Variants in NANS observed in about 807,000 individuals in gnomAD.
The protein encoded by NANS is N-acetylneuraminate synthase.
In NANS, 29 loss-of-function variants were observed where a neutral mutation model predicts 33.3. The observed-to-expected ratio is 0.87, with a 90% confidence interval of 0.65 to 1.19. The LOEUF (loss-of-function observed/expected upper bound fraction) is 1.19. Among genes scored for constraint, NANS ranks in the 50% most tolerant of loss-of-function variants. The pLI is 0.00. For synonymous variants in NANS, 163 were observed against 177.2 expected, an observed-to-expected ratio of 0.92 and a Z score of 0.64; for missense variants, 394 against 461.1, an observed-to-expected ratio of 0.85 and a Z score of 1.33.
chr9:98,076,139 G>C (rs1829580230), intron 2 of NANS: 1 of 152,144 alleles, frequency 6.6e-6, no homozygotes. Flanking sequence ...GCCAGCCATG[G>C]ATCCTTATGT....
intron 1 of NANS, among the ~76,000 whole-genome samples, chr9:98,060,243 T>C (rs1481008981): frequency 2.0e-5 from 3 of 152,190 alleles, no homozygotes; most frequent in Non-Finnish European, 4.4e-5. Flanking sequence ...TCTTTTGGCA[T>C]GTTAAGAGAA....
At chr9:98,077,898 A>G (rs762785002) in intron 3 of NANS, among the ~76,000 whole-genome samples, 5 of 152,210 alleles carry the variant, frequency 3.3e-5, no homozygotes, top group Non-Finnish European at 7.3e-5. Flanking sequence ...TATACAACCT[A>G]TTAATCAGAT....
At chr9:98,081,539 A>G (rs918210759) in intron 5 of NANS, 1 of 162,022 alleles carries the variant, frequency 6.2e-6, no homozygotes, top group Admixed American at 6.1e-5. Flanking sequence ...AAGGGCAGTG[A>G]GTCGTTGCAG....
chr9:98,082,919 A>G lies in NANS; in HGVS notation c.944A>G (p.Lys315Arg). ...TILTMDMLTV[K>R]VGEPKGYPPE... ...CTAACAATGGACATGCTCACCGTGA[A>G]GGTGGGTGAGCCCAAAGGCTATCCT... The change falls in exon 6 of 6, where the codon AAG (lysine) becomes AGG (arginine). Residue 315 changes from lysine (K) to arginine (R), a missense_variant. Coordinates refer to ENST00000210444, the MANE Select transcript of NANS (RefSeq NM_018946.4). The G allele has an allele frequency of 1.2e-6, 2 of 1,614,242 alleles. No homozygotes were observed. Among genetic ancestry groups the G allele is most frequent in the Non-Finnish European group, 1.7e-6 (2 of 1,180,032 alleles).
At chr9:98,061,599 G>A (rs559788174) in intron 2 of NANS, among the ~76,000 whole-genome samples, 2 of 150,956 alleles carry the variant, frequency 1.3e-5, no homozygotes, top group East Asian at 2.0e-4. Flanking sequence ...GGCCAACATG[G>A]TGAAACCCTG....
chr9:98,082,741 AGGTACT>A, intron 5 of NANS, 99 bp from the exon 6 acceptor site: 1 of 1,066,364 alleles, frequency 9.4e-7, no homozygotes, highest in Non-Finnish European at 1.4e-6. Context: ...CCTGCTCCCA[AGGTACT>A]GCCTGGGGAA....
intron 2 of NANS, among the ~76,000 whole-genome samples, chr9:98,072,413 ATTTTTTTTTTT>A (rs1004255694): frequency 7.6e-6 from 1 of 132,176 alleles, no homozygotes. Flanking sequence ...GGGAAAGTGC[ATTTTTTTTTTT>A]TTTTTGAGAC....
intron 2 of NANS, among the ~76,000 whole-genome samples, chr9:98,070,635 G>T (rs1476505484): frequency 1.3e-5 from 2 of 151,912 alleles, no homozygotes; most frequent in Non-Finnish European, 2.9e-5. Context: ...GGCCAGGCTG[G>T]TCTCAAACTC....
At chr9:98,066,914 G>T (rs960476342) in intron 2 of NANS, among the ~76,000 whole-genome samples, 1 of 152,152 alleles carries the variant, frequency 6.6e-6, no homozygotes, top group Non-Finnish European at 1.5e-5. Flanking sequence ...GCCTCCCAAA[G>T]TGCTGGGATT....
intron 2 of NANS, among the ~76,000 whole-genome samples, chr9:98,073,722 GAC>G (rs2117883216): frequency 6.6e-6 from 1 of 152,100 alleles, no homozygotes; most frequent in African/African-American, 2.4e-5. Flanking sequence ...TGTCCCACAG[GAC>G]ACAGTACAGA....
chr9:98,081,126 A>G, intron 5 of NANS, 44 bp downstream of exon 5: 1 of 1,606,368 alleles, frequency 6.2e-7, no homozygotes, highest in South Asian at 1.1e-5. Context: ...CCGTGTGTGG[A>G]AAAAGGATAG....
In NANS at chr9:98,081,006, C is replaced by G. The variant is rs375252681; in HGVS notation, c.794C>G (p.Ser265Ter). The G allele has an allele frequency of 3.9e-5, 63 of 1,614,192 alleles. No homozygotes were observed. The highest frequency in any genetic ancestry group is 5.3e-5 in the Non-Finnish European group (63 of 1,180,038). ...GGAGAACTGGCCGAGCTGGTGCGGT[C>G]AGTGCGTCTTGTGGAGCGTGCCCTG... Reference protein sequence around the residue: ...EPGELAELVRSVRLVERALGS... With the variant: ...EPGELAELVR Residue 265 changes from serine (S) to a stop codon, truncating the protein, a stop_gained, in exon 5 of 6, where the codon TCA becomes TGA. Transcript: ENST00000210444. LOFTEE classifies it high-confidence loss of function.
intron 2 of NANS, among the ~76,000 whole-genome samples, chr9:98,068,391 C>T (rs764454412): frequency 1.3e-5 from 2 of 151,914 alleles, no homozygotes; most frequent in Admixed American, 6.6e-5. Flanking sequence ...CTGCCTTCCT[C>T]GGCCTCCCAA....
At chr9:98,057,394 C>T (rs1012275618) in intron 1 of NANS, among the ~76,000 whole-genome samples, 5 of 152,162 alleles carry the variant, frequency 3.3e-5, no homozygotes, top group African/African-American at 9.7e-5. Flanking sequence ...CTGGAAGTTG[C>T]TGTGGTCTCT....
Position 98,076,981 on chromosome 9 carries a change from A to G in NANS, c.412A>G (p.Asn138Asp). The change falls in exon 3 of 6, where the codon AAT becomes GAT. Residue 138 changes from asparagine (N) to aspartate (D), a missense_variant. Asn to Asp is a conservative substitution (Grantham distance 23). Transcript: ENST00000210444. ...PFFKVGSGDT[N>D]NFPYLEKTAK... The stretch of plus-strand genomic sequence containing the variant: ...TTTCAAAGTTGGATCTGGAGACACT[A>G]ATAATTTTCCTTATCTGGAAAAGAC... The G allele has an allele frequency of 1.2e-6, 2 of 1,611,260 alleles. No homozygotes were observed. Among genetic ancestry groups the G allele is most frequent in the Non-Finnish European group, 1.7e-6 (2 of 1,179,138 alleles).
rs35104052 is a variant in NANS, at chr9:98,057,922, G to GTTTT, written c.132+999_132+1002dup. ...TTACTGTTTTTTTTTTTTTTTCCTGGTTTTTTTTTTTTTTTTTTTTGAGAC... is the reference window on the plus strand; with the variant it reads ...TTACTGTTTTTTTTTTTTTTTCCTGGTTTTTTTTTTTTTTTTTTTTTTTTGAGAC... On this transcript the variant is annotated intron_variant, in intron 1 of 5. Transcript: ENST00000210444. Among the ~76,000 whole-genome samples the GTTTT allele has an allele frequency of 5.2e-3, 404 of 78,096 alleles. 11 individuals are homozygous for GTTTT. The highest frequency in any genetic ancestry group is 6.5e-3 in the Non-Finnish European group (282 of 43,346). 51.2% of individuals were successfully genotyped at this position (78,096 alleles called of 152,430 possible).
intron 1 of NANS, among the ~76,000 whole-genome samples, chr9:98,060,121 T>A (rs527480021): frequency 6.6e-6 from 1 of 152,360 alleles, no homozygotes; most frequent in African/African-American, 2.4e-5. Context: ...GGTCCAGTGC[T>A]GAGTTGACTA....
chr9:98,069,842 A>G (rs370594752), intron 2 of NANS, among the ~76,000 whole-genome samples: 297 of 152,320 alleles, frequency 1.9e-3, no homozygotes, highest in African/African-American at 6.9e-3. Context: ...CAGTGCTCAC[A>G]TGAGTCTGTG....
rs773058633 is a variant in NANS, at chr9:98,081,040, A to C, written c.828A>C (p.Pro276=). The part of the protein sequence containing the change: ...VRLVERALGS[P]TKQLLPCEMA... ...TTGTGGAGCGTGCCCTGGGCTCCCC[A>C]ACCAAGCAGCTGCTGCCCTGTGAGA... Residue 276 remains proline, a synonymous_variant, in exon 5 of 6, where the codon CCA becomes CCC. Coordinates refer to ENST00000210444, the MANE Select transcript of NANS (RefSeq NM_018946.4). 5 of 1,614,118 alleles carry C rather than the reference A, an allele frequency of 3.1e-6. No homozygotes were observed. The South Asian group carries it at 5.5e-5, about 18-fold the overall frequency.
Sources: gnomAD v4.1 joint callset for allele counts (sites outside exome capture counted in the v4.1 genomes callset) on GRCh38, gnomAD v4.1.1 for gene constraint, MANE v1.5 for transcripts, NCBI Gene and HGNC (gene_info 2026-07-23, HGNC 2026-07-21) for gene names.